Variants in AUTS2 observed in about 807,000 individuals in gnomAD.
AUTS2 encodes the protein activator of transcription and developmental regulator AUTS2.
Under a neutral mutation model 112.4 loss-of-function variants are expected in AUTS2, and 17 were observed. The observed-to-expected ratio is 0.15, with a 90% CI of 0.10 to 0.23. AUTS2 has a LOEUF of 0.23. Among genes scored for constraint, AUTS2 ranks in the 10% least tolerant of loss-of-function variants. AUTS2 has a pLI of 1.00. For missense variants in AUTS2, 1,510 were observed against 1,701.6 expected, an observed-to-expected ratio of 0.89 and a Z score of 1.98; for synonymous variants, 751 against 702.7, an observed-to-expected ratio of 1.07 and a Z score of -1.09.
At chr7:69,788,897 G>A (rs181683637) in intron 1 of AUTS2, among the ~76,000 whole-genome samples, 13 of 152,168 alleles carry the variant, frequency 8.5e-5, no homozygotes, top group Admixed American at 3.3e-4. Context: ...GCTCTGACGC[G>A]TCTAGCACTC....
rs906473118 is a variant in AUTS2, at chr7:70,122,906, G to A, written c.624+4673G>A. On this transcript the variant is annotated intron_variant, in intron 3 of 18. Coordinates refer to ENST00000342771, the MANE Select transcript of AUTS2 (RefSeq NM_015570.4). ...TTTTTTTTCCGTGACACGGAGTTTCGCTCTTGTTGCTCAGCCTGGAGTGCA... is the reference window on the plus strand; with the variant it reads ...TTTTTTTTCCGTGACACGGAGTTTCACTCTTGTTGCTCAGCCTGGAGTGCA... Among the ~76,000 whole-genome samples the A allele has an allele frequency of 1.2e-4, 15 of 129,136 alleles. No individual in the cohort carries two copies. In the East Asian group the frequency reaches 2.5e-3, roughly 21 times the overall value. 84.7% of individuals were successfully genotyped at this position (129,136 alleles called of 152,430 possible). A position where few individuals can be genotyped will look rare whatever the true frequency, so the allele number is the denominator to read the frequency against.
At chr7:70,746,239 C>T (rs1418144067) in intron 6 of AUTS2, among the ~76,000 whole-genome samples, 5 of 152,090 alleles carry the variant, frequency 3.3e-5, no homozygotes, top group African/African-American at 4.8e-5. Context: ...TTCCGCCTCC[C>T]GGTTCAAGCG....
chr7:70,255,437 AT>A (rs936277799), intron 4 of AUTS2, among the ~76,000 whole-genome samples: 33 of 152,336 alleles, frequency 2.2e-4, no homozygotes, highest in East Asian at 5.8e-4. Flanking sequence ...GCAAAAAAAA[AT>A]AATGATGAAA....
chr7:70,121,574 G>A (rs1418390291), intron 3 of AUTS2, among the ~76,000 whole-genome samples: 2 of 152,168 alleles, frequency 1.3e-5, no homozygotes, highest in Non-Finnish European at 2.9e-5. Context: ...CTTGAAAAAT[G>A]CTGAAAATCA....
At chr7:69,964,147 A>C (rs1797539241) in intron 2 of AUTS2, among the ~76,000 whole-genome samples, 1 of 152,092 alleles carries the variant, frequency 6.6e-6, no homozygotes. Context: ...GATACATATA[A>C]TACAGTTACA....
At chr7:70,724,540 G>A (rs764058188) in intron 6 of AUTS2, among the ~76,000 whole-genome samples, 5 of 144,432 alleles carry the variant, frequency 3.5e-5, no homozygotes, top group South Asian at 2.3e-4. Context: ...CCACCTCCTC[G>A]GTTCACACCA....
intron 5 of AUTS2, among the ~76,000 whole-genome samples, chr7:70,487,851 G>T (rs1300188396): frequency 6.6e-6 from 1 of 152,198 alleles, no homozygotes; most frequent in Non-Finnish European, 1.5e-5. Context: ...GACTGCATCT[G>T]CCATGAAAGT....
At chr7:69,729,994 A>ATTTTTT (rs10684331) in intron 1 of AUTS2, among the ~76,000 whole-genome samples, 6 of 56,748 alleles carry the variant, frequency 1.1e-4, no homozygotes, top group Non-Finnish European at 9.0e-5. Flanking sequence ...TGTTGTTTTA[A>ATTTTTT]TTTTTTTTTT....
chr7:70,198,351 G>A (rs923236834), intron 4 of AUTS2, among the ~76,000 whole-genome samples: 1 of 151,766 alleles, frequency 6.6e-6, no homozygotes, highest in African/African-American at 2.4e-5. Context: ...GAATGATTTT[G>A]ACAAGCTGAG....
At chr7:70,609,886 C>T (rs1416768002) in intron 5 of AUTS2, among the ~76,000 whole-genome samples, 2 of 152,136 alleles carry the variant, frequency 1.3e-5, no homozygotes, top group African/African-American at 4.8e-5. Context: ...GGTATCTCTT[C>T]AACATATTGA....
At chr7:69,831,667 C>T (rs545214365) in intron 1 of AUTS2, among the ~76,000 whole-genome samples, 4 of 150,516 alleles carry the variant, frequency 2.7e-5, no homozygotes, top group Admixed American at 2.6e-4. Context: ...ATGCCGTTGT[C>T]TTGGCATTGC....
intron 4 of AUTS2, among the ~76,000 whole-genome samples, chr7:70,256,699 T>A (rs1786891859): frequency 6.6e-6 from 1 of 152,236 alleles, no homozygotes; most frequent in Non-Finnish European, 1.5e-5. Context: ...TTGCCCTTTA[T>A]GCCTTTGGTC....
At chr7:69,612,656 A>G (rs992417429) in intron 1 of AUTS2, among the ~76,000 whole-genome samples, 4 of 151,768 alleles carry the variant, frequency 2.6e-5, no homozygotes, top group African/African-American at 4.8e-5. Context: ...GAGTCTTCCT[A>G]TGTTGCTTAG....
At chr7:70,158,211 T>A (rs564727211) in intron 4 of AUTS2, among the ~76,000 whole-genome samples, 9 of 151,456 alleles carry the variant, frequency 5.9e-5, no homozygotes, top group Non-Finnish European at 1.3e-4. Context: ...TTAAAGAGTT[T>A]TCATTTCATA....
At chr7:70,263,080 A>ATT (rs934475599) in intron 4 of AUTS2, among the ~76,000 whole-genome samples, 1 of 146,876 alleles carries the variant, frequency 6.8e-6, no homozygotes, top group Non-Finnish European at 1.5e-5. Flanking sequence ...AAGTAGAAGG[A>ATT]TTTTTTTTTT....
At chr7:69,886,122 C>T (rs1176801283) in intron 1 of AUTS2, among the ~76,000 whole-genome samples, 1 of 152,140 alleles carries the variant, frequency 6.6e-6, no homozygotes, top group Non-Finnish European at 1.5e-5. Flanking sequence ...AGAGGAGGAC[C>T]CTACATTTAT....
intron 4 of AUTS2, among the ~76,000 whole-genome samples, chr7:70,255,407 CAA>C (rs1786814426): frequency 6.6e-6 from 1 of 151,880 alleles, no homozygotes; most frequent in African/African-American, 2.4e-5. Flanking sequence ...CTTTAAAAGG[CAA>C]ATAGGGAGAT....
At chr7:70,670,026 C>T (rs1008191301) in intron 5 of AUTS2, among the ~76,000 whole-genome samples, 2 of 152,146 alleles carry the variant, frequency 1.3e-5, no homozygotes, top group African/African-American at 2.4e-5. Flanking sequence ...AGAGGTTTGG[C>T]GCTAAAACCA....
At chr7:69,616,885 AG>A (rs1793409457) in intron 1 of AUTS2, among the ~76,000 whole-genome samples, 1 of 152,182 alleles carries the variant, frequency 6.6e-6, no homozygotes, top group Non-Finnish European at 1.5e-5. Context: ...CTCTTTGAGA[AG>A]AAAAAAGTGT....
Sources: allele counts gnomAD v4.1 joint callset (sites outside exome capture counted in the v4.1 genomes callset), GRCh38; gene constraint gnomAD v4.1.1; transcripts MANE v1.5; gene names NCBI Gene and HGNC (gene_info 2026-07-23, HGNC 2026-07-21).